NAALADL2: variants seen among roughly 807,000 people sequenced by gnomAD.
The protein encoded by NAALADL2 is inactive N-acetylated-alpha-linked acidic dipeptidase-like protein 2.
In NAALADL2, 76 loss-of-function variants were observed where a neutral mutation model predicts 87.2. The observed-to-expected ratio is 0.87, with a 90% CI of 0.72 to 1.05. The LOEUF is 1.05. NAALADL2 is among the 50% of genes least tolerant of loss of function. The probability of loss-of-function intolerance (pLI) is 0.00; values close to 1 mark genes in which losing one functional copy is unlikely to be tolerated. For synonymous variants in NAALADL2, 354 were observed against 331.0 expected (o/e 1.07, Z -0.75); for missense variants, 1,089 against 945.8 (o/e 1.15, Z -1.99).
At chr3:175,786,487 C>T (rs561436799) in intron 13 of NAALADL2, among the ~76,000 whole-genome samples, 18 of 149,718 alleles carry the variant, frequency 1.2e-4, no homozygotes, top group South Asian at 2.1e-4. Flanking sequence ...TCCAGTTGAT[C>T]GCATCAGCTC....
intron 11 of NAALADL2, among the ~76,000 whole-genome samples, chr3:175,692,570 G>A (rs764397378): frequency 6.6e-6 from 1 of 152,104 alleles, no homozygotes; most frequent in Admixed American, 6.6e-5. Flanking sequence ...CGGAAGAAAA[G>A]TAGATATCCT....
intron 2 of NAALADL2, among the ~76,000 whole-genome samples, chr3:174,619,720 T>A (rs1001969334): frequency 1.3e-5 from 2 of 152,024 alleles, no homozygotes; most frequent in Non-Finnish European, 2.9e-5. Context: ...CTTAATCTAT[T>A]TGTAACCACA....
chr3:175,762,990 A>C (rs1025955612), intron 13 of NAALADL2, among the ~76,000 whole-genome samples: 5 of 152,122 alleles, frequency 3.3e-5, no homozygotes, highest in African/African-American at 1.2e-4. Context: ...AAGCTGAGAC[A>C]GGAGAATGGC....
rs185192709 is a variant in NAALADL2, at chr3:174,708,445, T to C, written c.-114-29196T>C. Among the ~76,000 whole-genome samples, 392 of 152,332 alleles carry C rather than the reference T, an allele frequency of 2.6e-3. 3 individuals are homozygous for C. The highest frequency in any genetic ancestry group is 5.2e-3 in the Admixed American group (79 of 15,302). On this transcript the variant is annotated intron_variant, in intron 2 of 3. Coordinates refer to the NAALADL2 transcript ENST00000434257. ...GTGATATATCATTTATTCCACTTTT[T>C]AGATAAACATTTTATGCAGATTATG...
At position 174,946,470 on chromosome 3, in the gene NAALADL2, A is replaced by G. The variant is rs191587580; in HGVS notation, c.43+87020A>G. 4.5e-3 allele frequency among the ~76,000 whole-genome samples: 682 copies of G among 152,322 alleles called. 6 individuals are homozygous for G. Among genetic ancestry groups the G allele is most frequent in the Non-Finnish European group, 6.2e-3 (421 of 68,022 alleles). ...GTTTTCTTTTAGTTAAACAGGGAAT[A>G]TGATGTCGCCTATCTCATATAGGAT... is the stretch of plus-strand genomic sequence containing the variant. On this transcript the variant is annotated intron_variant, in intron 1 of 13. Transcript: ENST00000454872.
intron 11 of NAALADL2, among the ~76,000 whole-genome samples, chr3:175,637,100 G>A (rs1430774498): frequency 2.0e-5 from 3 of 152,260 alleles, no homozygotes; most frequent in East Asian, 1.9e-4. Flanking sequence ...CCAACAACCC[G>A]TAATTGCCAA....
intron 9 of NAALADL2, among the ~76,000 whole-genome samples, chr3:175,570,905 T>G (rs1160416917): frequency 1.3e-5 from 2 of 150,852 alleles, no homozygotes; most frequent in African/African-American, 4.9e-5. Context: ...AAAAGTGACT[T>G]AATTTTATTA....
intron 5 of NAALADL2, among the ~76,000 whole-genome samples, chr3:175,362,037 T>C (rs1471335508): frequency 1.3e-5 from 2 of 148,378 alleles, no homozygotes; most frequent in African/African-American, 4.9e-5. Context: ...CTTGAATTAA[T>C]TTTTGTATAA....
At position 175,802,184 on chromosome 3, in the gene NAALADL2, T is replaced by C. The variant is rs577061886; in HGVS notation, c.2190-821T>C. ...TGATAAGAGCACTTTTAGAAAACAT[T>C]GATGATACCATTATCACATCTAAAA... On this transcript the variant is annotated intron_variant, in intron 13 of 13. Transcript: ENST00000454872. Among the ~76,000 whole-genome samples the C allele has an allele frequency of 4.6e-5, 7 of 152,176 alleles. No homozygotes were observed. In the East Asian group the frequency reaches 1.2e-3, roughly 25 times the overall value.
At chr3:175,156,708 A>G (rs764647602) in intron 2 of NAALADL2, among the ~76,000 whole-genome samples, 2 of 152,106 alleles carry the variant, frequency 1.3e-5, no homozygotes, top group Admixed American at 6.6e-5. Flanking sequence ...GACTTCTGGA[A>G]CTAGCTCATC....
intron 10 of NAALADL2, among the ~76,000 whole-genome samples, chr3:175,622,997 C>T (rs1726440628): frequency 6.6e-6 from 1 of 151,756 alleles, no homozygotes. Context: ...AATTTGAAAA[C>T]AATATATTGG....
At chr3:174,850,353 G>A (rs916302095) in intron 3 of NAALADL2, among the ~76,000 whole-genome samples, 3 of 151,936 alleles carry the variant, frequency 2.0e-5, no homozygotes, top group Non-Finnish European at 4.4e-5. Context: ...ACAAAAACAA[G>A]ATCCAGTTAA....
At chr3:175,114,145 G>A (rs1183959362) in intron 2 of NAALADL2, among the ~76,000 whole-genome samples, 1 of 151,626 alleles carries the variant, frequency 6.6e-6, no homozygotes, top group Non-Finnish European at 1.5e-5. Flanking sequence ...CCTTAGTGAA[G>A]GATAGAGAGG....
At chr3:175,367,124 C>A (rs1399974258) in intron 5 of NAALADL2, among the ~76,000 whole-genome samples, 26 of 151,162 alleles carry the variant, frequency 1.7e-4, no homozygotes, top group African/African-American at 5.2e-4. Context: ...GGAATCCTTT[C>A]CCCATTGCTT....
intron 2 of NAALADL2, among the ~76,000 whole-genome samples, chr3:175,105,751 G>A: frequency 9.8e-6 from 1 of 102,148 alleles, no homozygotes; most frequent in African/African-American, 4.6e-5. Flanking sequence ...TGATTTTGAA[G>A]ATAGAAGATT....
At chr3:174,834,650 T>C (rs571729882) in intron 3 of NAALADL2, among the ~76,000 whole-genome samples, 3 of 152,016 alleles carry the variant, frequency 2.0e-5, no homozygotes, top group Non-Finnish European at 4.4e-5. Context: ...TCTTATATAC[T>C]AGTAAAATAC....
intron 1 of NAALADL2, among the ~76,000 whole-genome samples, chr3:174,979,455 G>C (rs1744825348): frequency 6.6e-6 from 1 of 151,616 alleles, no homozygotes; most frequent in Admixed American, 6.6e-5. Flanking sequence ...ACAGGCTCCT[G>C]CCACCACGCC....
intron 5 of NAALADL2, among the ~76,000 whole-genome samples, chr3:175,392,560 T>G (rs2149026546): frequency 6.6e-6 from 1 of 152,298 alleles, no homozygotes; most frequent in Non-Finnish European, 1.5e-5. Context: ...GAAAATAAAA[T>G]TTATTTCCCT....
At chr3:175,568,668 A>G (rs1387061107) in intron 9 of NAALADL2, among the ~76,000 whole-genome samples, 1 of 152,220 alleles carries the variant, frequency 6.6e-6, no homozygotes, top group Non-Finnish European at 1.5e-5. Context: ...GCAAGCTGCT[A>G]AGCCCTATAT....
Sources: gnomAD v4.1 joint callset for allele counts (sites outside exome capture counted in the v4.1 genomes callset) on GRCh38, gnomAD v4.1.1 for gene constraint, MANE v1.5 for transcripts, NCBI Gene and HGNC (gene_info 2026-07-23, HGNC 2026-07-21) for gene names.